TRAP1: variants seen among roughly 807,000 people sequenced by gnomAD.
The protein encoded by TRAP1 is heat shock protein 75 kDa, mitochondrial.
Under a neutral mutation model 89.1 loss-of-function variants are expected in TRAP1, and 102 were observed. The observed-to-expected ratio is 1.15, with a 90% CI of 0.98 to 1.35. The LOEUF is 1.35. Among genes scored for constraint, TRAP1 ranks in the 40% most tolerant of loss-of-function variants. The probability of loss-of-function intolerance (pLI) is 0.00; values close to 1 mark genes in which losing one functional copy is unlikely to be tolerated. For synonymous variants in TRAP1, 508 were observed against 388.0 expected (o/e 1.31, Z -3.64); for missense variants, 1,256 against 945.3 (o/e 1.33, Z -4.31).
chr16:3,685,140 C>G (rs943085486), intron 4 of TRAP1, among the ~76,000 whole-genome samples: 1 of 152,184 alleles, frequency 6.6e-6, no homozygotes, highest in African/African-American at 2.4e-5. Context: ...GCGCTGCAGC[C>G]CTGCCCACAG....
At chr16:3,712,954 C>T (rs756148207) in intron 1 of TRAP1, among the ~76,000 whole-genome samples, 1 of 152,148 alleles carries the variant, frequency 6.6e-6, no homozygotes, top group African/African-American at 2.4e-5. Flanking sequence ...AACTCAGTTC[C>T]CTTGGTCCTA....
At chr16:3,675,640 T>C (rs921043658) in intron 7 of TRAP1, among the ~76,000 whole-genome samples, 3 of 152,190 alleles carry the variant, frequency 2.0e-5, no homozygotes, top group Non-Finnish European at 4.4e-5. Flanking sequence ...GACTGCAATG[T>C]CAGCTTGTGG....
intron 5 of TRAP1, 96 bp downstream of exon 5, chr16:3,679,623 C>T (rs1218612493): frequency 4.4e-5 from 55 of 1,242,020 alleles, no homozygotes; most frequent in Middle Eastern, 2.0e-4. Context: ...CAACTGACAA[C>T]GTTCTTACTT....
intron 1 of TRAP1, among the ~76,000 whole-genome samples, chr16:3,713,904 C>T (rs1210911720): frequency 1.3e-5 from 2 of 152,228 alleles, no homozygotes; most frequent in East Asian, 1.9e-4. Flanking sequence ...CTGTGACTGT[C>T]CTGAGGAATG....
intron 8 of TRAP1, 96 bp downstream of exon 8, chr16:3,675,228 G>A (rs1377869844): frequency 4.1e-6 from 5 of 1,233,412 alleles, no homozygotes; most frequent in South Asian, 1.3e-5. Flanking sequence ...CTGTGACTCT[G>A]GGCCGCATCC....
intron 1 of TRAP1, among the ~76,000 whole-genome samples, chr16:3,709,277 G>C (rs1487718756): frequency 6.7e-6 from 1 of 148,836 alleles, no homozygotes; most frequent in Non-Finnish European, 1.5e-5. Context: ...AGAGAAAAAT[G>C]GCCATTCACA....
In TRAP1 at chr16:3,676,195, T is replaced by C. The variant is rs113260192; in HGVS notation, c.705-50A>G. The stretch of plus-strand genomic sequence containing the variant: ...GCCAGGTGGATGTGACACTGGGACA[T>C]ACCCTGCATGGGACTCCAGCGGTTC... On this transcript the variant is annotated intron_variant, in intron 6 of 17. Transcript: ENST00000246957. The C allele has an allele frequency of 1.1e-4, 168 of 1,535,034 alleles. No homozygotes were observed. The African/African-American group carries it at 1.9e-3, about 18-fold the overall frequency.
chr16:3,688,620 C>CTGAGCTGGG (rs2051169696), intron 3 of TRAP1, among the ~76,000 whole-genome samples: 2 of 152,158 alleles, frequency 1.3e-5, no homozygotes, highest in South Asian at 4.2e-4. Context: ...GTAGCTGGGA[C>CTGAGCTGGG]CACAGGTCAG....
At chr16:3,697,574 G>C (rs112153145) in intron 1 of TRAP1, among the ~76,000 whole-genome samples, 17 of 149,446 alleles carry the variant, frequency 1.1e-4, no homozygotes, top group Middle Eastern at 3.5e-3. Context: ...TGAGGCAGGA[G>C]AATGGCATGA....
chr16:3,693,404 TCCCGGGACA>T (rs1567239094), intron 1 of TRAP1, among the ~76,000 whole-genome samples: 10 of 61,380 alleles, frequency 1.6e-4, no homozygotes, highest in Non-Finnish European at 4.3e-4. Flanking sequence ...AAAAAAAAAA[TCCCGGGACA>T]TTTCTTCTGG....
intron 2 of TRAP1, among the ~76,000 whole-genome samples, chr16:3,690,393 T>A (rs1194293743): frequency 6.6e-6 from 1 of 152,176 alleles, no homozygotes; most frequent in Admixed American, 6.5e-5. Flanking sequence ...ACTTCAAAGA[T>A]TCTACTCTTG....
At chr16:3,710,387 TGCA>T (rs2051512562) in intron 1 of TRAP1, 2 of 152,340 alleles carry the variant, frequency 1.3e-5, no homozygotes, top group Admixed American at 6.5e-5. Flanking sequence ...ACACTCACAA[TGCA>T]GTTTTGATGT....
At chr16:3,696,429 G>A (rs1240519608) in intron 1 of TRAP1, among the ~76,000 whole-genome samples, 3 of 152,104 alleles carry the variant, frequency 2.0e-5, no homozygotes, top group Admixed American at 6.5e-5. Flanking sequence ...AGCAAACATC[G>A]GTGCACACTT....
At chr16:3,661,914 C>T (rs761169995) in intron 16 of TRAP1, 73 bp downstream of exon 16, 23 of 1,495,798 alleles carry the variant, frequency 1.5e-5, no homozygotes, top group Non-Finnish European at 1.9e-5. Flanking sequence ...TGTCACATTC[C>T]ACAACAAAAG....
intron 1 of TRAP1, among the ~76,000 whole-genome samples, chr16:3,702,158 TA>T (rs1236101836): frequency 6.7e-6 from 1 of 149,570 alleles, no homozygotes. Context: ...ACAAAAGTGC[TA>T]ATGTTTTCCC....
chr16:3,691,019 T>G (rs376066677), intron 1 of TRAP1, 34 bp from the exon 2 acceptor site: 12 of 1,430,160 alleles, frequency 8.4e-6, no homozygotes, highest in Non-Finnish European at 1.0e-5. Flanking sequence ...GAATGAGAAT[T>G]AGGAAGACAC....
intron 1 of TRAP1, among the ~76,000 whole-genome samples, chr16:3,695,056 ATG>A (rs2051268363): frequency 6.6e-6 from 1 of 151,940 alleles, no homozygotes; most frequent in Admixed American, 6.6e-5. Flanking sequence ...CCCTCTACAC[ATG>A]TCTGTCTGTT....
chr16:3,659,175 G>T, intron 16 of TRAP1: 1 of 291,144 alleles, frequency 3.4e-6, no homozygotes, highest in African/African-American at 2.2e-5. Context: ...TAAAAGAGAA[G>T]GGAGTAAGAC....
At chr16:3,675,266 T>A in intron 8 of TRAP1, 58 bp downstream of exon 8, 1 of 1,566,254 alleles carries the variant, frequency 6.4e-7, no homozygotes, top group Non-Finnish European at 8.8e-7. Flanking sequence ...TCCGCTGCCC[T>A]GAAACGTACA....
Sources: gnomAD v4.1 joint callset for allele counts (sites outside exome capture counted in the v4.1 genomes callset) on GRCh38, gnomAD v4.1.1 for gene constraint, MANE v1.5 for transcripts, NCBI Gene and HGNC (gene_info 2026-07-23, HGNC 2026-07-21) for gene names.